Variants in PCDHGA8 observed in about 807,000 individuals in gnomAD.
PCDHGA8 encodes protocadherin gamma-A8.
PCDHGA8 carries 45 observed loss-of-function variants against 59.2 expected under a neutral mutation model. The observed-to-expected ratio is 0.76, with a 90% CI of 0.60 to 0.98. The LOEUF (loss-of-function observed/expected upper bound fraction) is 0.98. PCDHGA8 is among the 50% of genes least tolerant of loss of function. The pLI is 0.00. For synonymous variants in PCDHGA8, 531 were observed against 519.0 expected (o/e 1.02, Z -0.32); for missense variants, 1,257 against 1,196.2 (o/e 1.05, Z -0.75).
In PCDHGA8 at chr5:141,487,883, G is replaced by A; in HGVS notation, c.2425-6924G>A. ...GGTGATCAAGAGCCAGGCTGTTGTG[G>A]AAGCATGATGATGGAATGTGGGAGC... is the stretch of plus-strand genomic sequence containing the variant. On this transcript the variant is annotated intron_variant, in intron 1 of 3. Transcript: ENST00000398604. This position sits in a 1 kb window ranked among gnomAD's most constrained non-coding sequence, Gnocchi z 5.0. The A allele has an allele frequency of 1.3e-6, 1 of 766,586 alleles. No homozygotes were observed. The highest frequency in any genetic ancestry group is 1.8e-5 in the South Asian group (1 of 55,094). 47.5% of individuals were successfully genotyped at this position (766,586 alleles called of 1,614,324 possible).
At chr5:141,430,396 A>G (rs1433813025) in intron 1 of PCDHGA8, among the ~76,000 whole-genome samples, 5 of 151,842 alleles carry the variant, frequency 3.3e-5, no homozygotes, top group Non-Finnish European at 7.4e-5. Context: ...AAAAAAAAAA[A>G]GCTCACTAAA....
intron 1 of PCDHGA8, among the ~76,000 whole-genome samples, chr5:141,434,448 G>A (rs2097694852): frequency 6.6e-6 from 1 of 152,210 alleles, no homozygotes; most frequent in Non-Finnish European, 1.5e-5. Context: ...CATGCTGGAA[G>A]GTAGTGGGTT....
intron 1 of PCDHGA8, chr5:141,430,861 A>C: frequency 6.3e-7 from 1 of 1,592,834 alleles, no homozygotes; most frequent in Middle Eastern, 1.7e-4. Flanking sequence ...TACGCTATTC[A>C]GTTCCGGAAG....
intron 1 of PCDHGA8, chr5:141,414,115 G>A: frequency 6.3e-7 from 1 of 1,591,952 alleles, no homozygotes; most frequent in Middle Eastern, 1.7e-4. Flanking sequence ...TCTAGATTAT[G>A]AAGAAACCGG....
chr5:141,445,120 AT>A (rs1287463110), intron 1 of PCDHGA8, among the ~76,000 whole-genome samples: 1 of 152,228 alleles, frequency 6.6e-6, no homozygotes, highest in African/African-American at 2.4e-5. Flanking sequence ...TGTAAATAGT[AT>A]TTTTAAAATT....
intron 1 of PCDHGA8, chr5:141,409,953 C>T: frequency 6.2e-7 from 1 of 1,613,398 alleles, no homozygotes; most frequent in Non-Finnish European, 8.5e-7. Context: ...TCTGCAGAGC[C>T]CGGCTACCTA....
chr5:141,431,736 G>T lies in PCDHGA8; in HGVS notation c.2424+36499G>T. On this transcript the variant is annotated intron_variant, in intron 1 of 3. Transcript: ENST00000398604. The surrounding 1 kb of genome is among the most constrained non-coding windows in gnomAD (Gnocchi z 4.8). ...GAAGTGCAAGCAATGGATAATGCAG[G>T]ATATTCTGCGCGAGCCAAAGTCCTG... 1 of 1,614,218 alleles carries T rather than the reference G, an allele frequency of 6.2e-7. No individual in the cohort carries two copies. The highest frequency in any genetic ancestry group is 8.5e-7 in the Non-Finnish European group (1 of 1,180,046).
chr5:141,411,921 T>C (rs1426892834), intron 1 of PCDHGA8: 1 of 152,234 alleles, frequency 6.6e-6, no homozygotes, highest in Non-Finnish European at 1.5e-5. Context: ...TCAGTCTCTG[T>C]CTCTGATTCT....
At chr5:141,494,714 C>G in intron 1 of PCDHGA8, 93 bp from the exon 2 acceptor site, 2 of 1,603,958 alleles carry the variant, frequency 1.2e-6, no homozygotes, top group East Asian at 4.5e-5. Context: ...TGTGCCCACT[C>G]CCCTCCTTCT....
chr5:141,395,407 G>A (rs1467176036), intron 1 of PCDHGA8, 170 bp downstream of exon 1: 1 of 826,654 alleles, frequency 1.2e-6, no homozygotes, highest in Non-Finnish European at 1.8e-6. Context: ...ATAGTCATAG[G>A]TTATTGTTTC....
intron 2 of PCDHGA8, among the ~76,000 whole-genome samples, chr5:141,498,839 A>C (rs2099786236): frequency 6.6e-6 from 1 of 152,062 alleles, no homozygotes; most frequent in Non-Finnish European, 1.5e-5. Context: ...AGGCTGAGGC[A>C]GGGGAATCGC....
chr5:141,466,984 C>A (rs2099133455), intron 1 of PCDHGA8, among the ~76,000 whole-genome samples: 1 of 151,586 alleles, frequency 6.6e-6, no homozygotes, highest in Non-Finnish European at 1.5e-5. Context: ...CATCATTTAC[C>A]TTTTGGCATT....
In PCDHGA8 at chr5:141,418,905, T is replaced by C. The variant is rs144920415; in HGVS notation, c.2424+23668T>C. The C allele has an allele frequency of 5.0e-6, 8 of 1,613,944 alleles. No homozygotes were observed. The East Asian group carries it at 1.8e-4, about 36-fold the overall frequency. ...AACGACAACAGCCCAGAAATAATCA[T>C]CACGTCACTCTCTGATCAGATTATG... On this transcript the variant is annotated intron_variant, in intron 1 of 3. Coordinates refer to ENST00000398604, the MANE Select transcript of PCDHGA8 (RefSeq NM_032088.2).
chr5:141,410,530 T>C (rs1400165380), intron 1 of PCDHGA8: 1 of 1,613,956 alleles, frequency 6.2e-7, no homozygotes, highest in South Asian at 1.1e-5. Context: ...TACATTCCAA[T>C]GAAGACATGG....
chr5:141,463,382 T>C (rs2099057893), intron 1 of PCDHGA8, among the ~76,000 whole-genome samples: 1 of 151,594 alleles, frequency 6.6e-6, no homozygotes, highest in Admixed American at 6.6e-5. Context: ...AGTCTGAAAG[T>C]TGTCTCCAGG....
At chr5:141,409,133 G>A in intron 1 of PCDHGA8, 1 of 1,614,002 alleles carries the variant, frequency 6.2e-7, no homozygotes, top group Non-Finnish European at 8.5e-7. Flanking sequence ...TGATTTTGAA[G>A]ATGTAGAAAG....
At chr5:141,414,174 A>C in intron 1 of PCDHGA8, 1 of 1,607,520 alleles carries the variant, frequency 6.2e-7, no homozygotes, top group Non-Finnish European at 8.5e-7. Context: ...CATATCTTGC[A>C]ACTGCAAAAG....
rs1298038670 is a variant in PCDHGA8 at position 141,393,630 on chromosome 5, A to T, written c.817A>T (p.Ile273Phe). ...TVTASDPDEG[I>F]NGKVAYKFRK... ...AACAGCCAGCGACCCGGATGAGGGA[A>T]TCAACGGAAAAGTGGCATACAAATT... The change falls in exon 1 of 4, where the codon ATC becomes TTC. Residue 273 changes from isoleucine (I) to phenylalanine (F), a missense_variant. Transcript: ENST00000398604. The T allele has an allele frequency of 4.3e-6, 7 of 1,613,976 alleles. No individual in the cohort carries two copies. Among genetic ancestry groups the T allele is most frequent in the Non-Finnish European group, 5.9e-6 (7 of 1,179,904 alleles).
rs752795340 is a variant in PCDHGA8 at position 141,394,556 on chromosome 5, C to T, written c.1743C>T (p.Ser581=). Residue 581 remains serine (S), a synonymous_variant, in exon 1 of 4, where the codon TCC becomes TCT. Transcript: ENST00000398604. ...GSTGVELAPR[S]AERGYLVTKV... ...CTGGCGTGGAGCTGGCGCCCCGCTC[C>T]GCAGAGCGTGGCTACCTGGTGACCA... The T allele has an allele frequency of 1.9e-6, 3 of 1,614,112 alleles. No individual in the cohort carries two copies. The highest frequency in any genetic ancestry group is 3.3e-5 in the Admixed American group (2 of 60,030).
Sources: gnomAD v4.1 joint callset for allele counts (sites outside exome capture counted in the v4.1 genomes callset) on GRCh38, gnomAD v4.1.1 for gene constraint, Gnocchi (gnomAD v3.1) non-coding constraint, MANE v1.5 for transcripts, NCBI Gene and HGNC (gene_info 2026-07-23, HGNC 2026-07-21) for gene names.